Variants in SYT16 observed in about 807,000 individuals in gnomAD.
SYT16 encodes the protein synaptotagmin-16.
A neutral mutation model predicts 61.4 loss-of-function variants in SYT16; 42 were observed. The observed-to-expected ratio is 0.68, with a 90% CI of 0.53 to 0.89. The LOEUF (loss-of-function observed/expected upper bound fraction) is 0.89. Among genes scored for constraint, SYT16 ranks in the 40% least tolerant of loss-of-function variants. SYT16 has a pLI of 0.00. For missense variants in SYT16, 804 were observed against 807.3 expected (o/e 1.00, Z 0.05); for synonymous variants, 314 against 302.3 (o/e 1.04, Z -0.40).
At chr14:61,945,584 G>A (rs969492728) in intron 1 of SYT16, among the ~76,000 whole-genome samples, 2 of 152,064 alleles carry the variant, frequency 1.3e-5, no homozygotes, top group Non-Finnish European at 2.9e-5. Context: ...GGCCAGGCGC[G>A]GTGGCTCACG....
chr14:61,913,759 C>T (rs559838983), intron 1 of SYT16, among the ~76,000 whole-genome samples: 6 of 146,542 alleles, frequency 4.1e-5, no homozygotes, highest in East Asian at 2.0e-4. Flanking sequence ...GTTACAGGGA[C>T]GAACTTGCAT....
At chr14:62,044,468 C>A (rs191660943) in intron 3 of SYT16, among the ~76,000 whole-genome samples, 1 of 151,938 alleles carries the variant, frequency 6.6e-6, no homozygotes, top group Non-Finnish European at 1.5e-5. Flanking sequence ...CCACCCCCAA[C>A]AGGCCCTGGT....
At chr14:61,896,359 A>G (rs571158985) in intron 1 of SYT16, among the ~76,000 whole-genome samples, 1 of 152,320 alleles carries the variant, frequency 6.6e-6, no homozygotes, top group East Asian at 1.9e-4. Context: ...GTTTTATCAC[A>G]TAATTGCCTA....
At chr14:61,957,093 C>T (rs2050907606) in intron 1 of SYT16, among the ~76,000 whole-genome samples, 1 of 151,790 alleles carries the variant, frequency 6.6e-6, no homozygotes, top group Non-Finnish European at 1.5e-5. Context: ...TCTAATTACT[C>T]ATTCAAATAG....
rs1469874633 is a variant in SYT16, at chr14:62,101,302, T to C, written c.*595T>C. The C allele has an allele frequency of 1.3e-5, 2 of 152,218 alleles. No individual in the cohort carries two copies. The highest frequency in any genetic ancestry group is 3.8e-4 in the East Asian group (2 of 5,204). 9.4% of individuals were successfully genotyped at this position (152,218 alleles called of 1,614,324 possible). A position where few individuals can be genotyped will look rare whatever the true frequency, so the allele number is the denominator to read the frequency against. ...ATTTGTATTAATTAAATACCTCTTT[T>C]ATCTTATATTTTGTGGTTTCTATGA... is the stretch of plus-strand genomic sequence containing the variant. On this transcript the variant is annotated 3_prime_UTR_variant, in exon 8 of 8. Transcript: ENST00000683842.
At chr14:61,947,490 C>T (rs559987530) in intron 1 of SYT16, among the ~76,000 whole-genome samples, 2 of 152,254 alleles carry the variant, frequency 1.3e-5, no homozygotes, top group East Asian at 3.9e-4. Flanking sequence ...CCAACAAGGA[C>T]ACACTACTTA....
chr14:62,069,847 C>T (rs1183192802), intron 4 of SYT16, 32 bp downstream of exon 4: 3 of 1,602,488 alleles, frequency 1.9e-6, no homozygotes, highest in African/African-American at 1.3e-5. Flanking sequence ...TTCTTTAGAC[C>T]AGGGATGGCC....
chr14:62,081,214 C>T lies in SYT16; in HGVS notation c.1374C>T (p.His458=), dbSNP rs779463583. The change falls in exon 6 of 8, where the codon CAC becomes CAT. Residue 458 remains histidine (H), a synonymous_variant. Coordinates refer to ENST00000683842, the MANE Select transcript of SYT16 (RefSeq NM_001367656.1). Reference sequence around the variant, plus strand: ...GAGAGAAACTATTCTATCTCAGCCACCTGCACCCAGAAGGGGAAATGAAAG... The same window carrying T: ...GAGAGAAACTATTCTATCTCAGCCATCTGCACCCAGAAGGGGAAATGAAAG... The part of the protein sequence containing the change: ...MMGEKLFYLS[H]LHPEGEMKVT... 2.9e-5 allele frequency: 47 copies of T among 1,613,800 alleles called. No homozygotes were observed. The highest frequency in any genetic ancestry group is 3.6e-5 in the Non-Finnish European group (43 of 1,179,882).
At chr14:62,042,886 A>G (rs1170789679) in intron 3 of SYT16, among the ~76,000 whole-genome samples, 2 of 152,134 alleles carry the variant, frequency 1.3e-5, no homozygotes, top group Non-Finnish European at 2.9e-5. Flanking sequence ...TTGGACAATC[A>G]TAGGACTTAC....
chr14:61,956,594 C>T (rs554406959), intron 1 of SYT16, among the ~76,000 whole-genome samples: 3 of 151,998 alleles, frequency 2.0e-5, no homozygotes, highest in Non-Finnish European at 4.4e-5. Flanking sequence ...ACACCCTTGT[C>T]AAAGATCAGT....
At chr14:61,948,199 G>A (rs544936404) in intron 1 of SYT16, among the ~76,000 whole-genome samples, 1 of 152,228 alleles carries the variant, frequency 6.6e-6, no homozygotes, top group South Asian at 2.1e-4. Flanking sequence ...AGAATGGATT[G>A]GAGTTGTGAG....
chr14:61,924,697 A>T (rs575104486), intron 1 of SYT16, among the ~76,000 whole-genome samples: 3 of 152,276 alleles, frequency 2.0e-5, no homozygotes, highest in African/African-American at 7.2e-5. Flanking sequence ...TGAGAGACCT[A>T]GCAGAAATAT....
intron 1 of SYT16, among the ~76,000 whole-genome samples, chr14:61,934,088 T>C (rs1024101244): frequency 6.6e-6 from 1 of 152,218 alleles, no homozygotes; most frequent in Non-Finnish European, 1.5e-5. Context: ...ATATACTTTT[T>C]CTGTATAAAC....
At chr14:61,927,501 C>T (rs1263358925) in intron 1 of SYT16, among the ~76,000 whole-genome samples, 2 of 152,228 alleles carry the variant, frequency 1.3e-5, no homozygotes, top group East Asian at 3.9e-4. Context: ...AGTTTGACAG[C>T]AAATGAATAA....
In SYT16 at chr14:62,077,201, C is replaced by G. The variant is rs573107239; in HGVS notation, c.993+1810C>G. ...TTAGGCCACACAGATGACATCAACA[C>G]TATCTTACTAAAACAGAAAGGCTTT... On this transcript the variant is annotated intron_variant, in intron 5 of 7. Coordinates refer to ENST00000683842, the MANE Select transcript of SYT16 (RefSeq NM_001367656.1). Among the ~76,000 whole-genome samples the G allele has an allele frequency of 3.3e-5, 5 of 152,366 alleles. No individual in the cohort carries two copies. The East Asian group carries it at 9.6e-4, about 29-fold the overall frequency.
chr14:61,832,073 C>T, intron 1 of SYT16: 1 of 721,890 alleles, frequency 1.4e-6, no homozygotes. Flanking sequence ...CCGTCTTCCA[C>T]TCGTTCACGC....
intron 1 of SYT16, among the ~76,000 whole-genome samples, chr14:61,907,960 C>T (rs1176096135): frequency 1.3e-5 from 2 of 152,218 alleles, no homozygotes; most frequent in East Asian, 1.9e-4. Flanking sequence ...GAACACAGAG[C>T]ATGAGAGACT....
At position 61,947,719 on chromosome 14, in the gene SYT16, A is replaced by G. The variant is rs375040874; in HGVS notation, c.-324-22413A>G. ...TAATAAGATGCCTTCTCTGGCTTCA[A>G]TAAACTACAGCCTCGTGGGGATAAC... On this transcript the variant is annotated intron_variant, in intron 1 of 7. Coordinates refer to ENST00000683842, the MANE Select transcript of SYT16 (RefSeq NM_001367656.1). Among the ~76,000 whole-genome samples the G allele has an allele frequency of 1.4e-3, 208 of 152,346 alleles. 5 individuals are homozygous for G. The South Asian group carries it at 0.041, about 30-fold the overall frequency.
chr14:61,945,163 T>C (rs768963824), intron 1 of SYT16, among the ~76,000 whole-genome samples: 50 of 152,168 alleles, frequency 3.3e-4, no homozygotes, highest in Admixed American at 9.2e-4. Context: ...ATTTGAGAAA[T>C]GCAAATCAAA....
Sources: gnomAD v4.1 joint callset for allele counts (sites outside exome capture counted in the v4.1 genomes callset) on GRCh38, gnomAD v4.1.1 for gene constraint, MANE v1.5 for transcripts, NCBI Gene and HGNC (gene_info 2026-07-23, HGNC 2026-07-21) for gene names.